Variants in VPS35L observed in about 807,000 individuals in gnomAD.
VPS35L encodes VPS35 endosomal protein-sorting factor-like.
A neutral mutation model predicts 133.0 loss-of-function variants in VPS35L; 83 were observed. The observed-to-expected ratio is 0.62, with a 90% CI of 0.52 to 0.75. VPS35L has a LOEUF of 0.75. VPS35L is among the 30% of genes least tolerant of loss of function. The pLI is 0.00. For missense variants in VPS35L, 1,083 were observed against 1,206.8 expected (o/e 0.90, Z 1.52); for synonymous variants, 423 against 449.9 (o/e 0.94, Z 0.76).
chr16:19,656,381 G>A (rs1364448587), intron 26 of VPS35L, among the ~76,000 whole-genome samples: 1 of 145,046 alleles, frequency 6.9e-6, no homozygotes, highest in East Asian at 1.9e-4. Context: ...AAGGGAAGAA[G>A]GAAGGATTAG....
At chr16:19,586,993 G>C (rs1971885381) in intron 7 of VPS35L, among the ~76,000 whole-genome samples, 1 of 152,142 alleles carries the variant, frequency 6.6e-6, no homozygotes, top group Admixed American at 6.6e-5. Context: ...AGTTCTGCAG[G>C]CTGTATAGGA....
chr16:19,574,204 G>A (rs1449405833), intron 4 of VPS35L, among the ~76,000 whole-genome samples: 1 of 152,200 alleles, frequency 6.6e-6, no homozygotes, highest in Non-Finnish European at 1.5e-5. Flanking sequence ...TCCAGGGCTG[G>A]TTTGGCAGCT....
intron 28 of VPS35L, among the ~76,000 whole-genome samples, chr16:19,689,079 G>T (rs954343678): frequency 7.1e-6 from 1 of 141,812 alleles, no homozygotes; most frequent in Non-Finnish European, 1.5e-5. Flanking sequence ...CCACTCTGTC[G>T]CCAGGCTGGA....
chr16:19,592,348 G>A (rs548635305), intron 8 of VPS35L, among the ~76,000 whole-genome samples: 55 of 151,738 alleles, frequency 3.6e-4, no homozygotes, highest in African/African-American at 1.3e-3. Context: ...CCAAAGTGCT[G>A]GAATTACAGG....
chr16:19,576,036 G>A (rs1242482265), intron 5 of VPS35L, among the ~76,000 whole-genome samples: 2 of 125,890 alleles, frequency 1.6e-5, no homozygotes, highest in African/African-American at 6.0e-5. Flanking sequence ...CATGGTGACA[G>A]ATGCCTGTAA....
intron 27 of VPS35L, among the ~76,000 whole-genome samples, chr16:19,676,811 C>T (rs757214367): frequency 3.3e-5 from 5 of 152,164 alleles, no homozygotes; most frequent in Non-Finnish European, 7.4e-5. Flanking sequence ...GGACAGACTT[C>T]ATGTTAAACA....
At chr16:19,592,035 G>A (rs12445994) in intron 8 of VPS35L, among the ~76,000 whole-genome samples, 161 bp downstream of exon 8, 7,734 of 151,944 alleles carry the variant, frequency 0.051, 410 homozygotes, top group East Asian at 0.22. Flanking sequence ...TAATAAGGGC[G>A]CTATTTTTGA....
intron 28 of VPS35L, among the ~76,000 whole-genome samples, chr16:19,689,255 G>C (rs1429988772): frequency 6.7e-6 from 1 of 148,840 alleles, no homozygotes; most frequent in East Asian, 2.0e-4. Context: ...GGGATTACAG[G>C]TGTGAGCCAC....
Position 19,565,419 on chromosome 16 carries a change from G to A in VPS35L, c.117+469G>A, listed in dbSNP as rs577144838. 4.0e-5 allele frequency among the ~76,000 whole-genome samples: 6 copies of A among 150,492 alleles called. No homozygotes were observed. In the South Asian group the frequency reaches 1.0e-3, roughly 26 times the overall value. ...GTGCAGTGGTGTGATCTTAGCTCAC[G>A]GCAACCTCTGCCTCCCAGGTTCAAG... On this transcript the variant is annotated intron_variant, in intron 2 of 30. Transcript: ENST00000417362.
At chr16:19,678,744 C>T (rs1975151746) in intron 27 of VPS35L, among the ~76,000 whole-genome samples, 1 of 151,858 alleles carries the variant, frequency 6.6e-6, no homozygotes, top group South Asian at 2.1e-4. Context: ...TCCCAAGGTG[C>T]TGAGATTACA....
At chr16:19,595,831 G>C (rs931358894) in intron 8 of VPS35L, among the ~76,000 whole-genome samples, 1 of 152,208 alleles carries the variant, frequency 6.6e-6, no homozygotes, top group Admixed American at 6.5e-5. Flanking sequence ...ACCTTGGACA[G>C]ACTGTTTAGG....
intron 26 of VPS35L, among the ~76,000 whole-genome samples, chr16:19,658,205 A>G (rs1974366169): frequency 1.3e-5 from 2 of 152,270 alleles, no homozygotes; most frequent in East Asian, 1.9e-4. Context: ...TGTGCCAAGC[A>G]TTGTATGGGC....
rs112180563 is a variant in VPS35L at position 19,558,069 on chromosome 16, C to CAA, written c.17+2333_17+2334dup. On this transcript the variant is annotated intron_variant, in intron 1 of 30. Coordinates refer to ENST00000417362, the MANE Select transcript of VPS35L (RefSeq NM_020314.7). ...TGAGCTACTAAGCGAGACTCCGTCTCAAAAAAAAAAAGTTAAAGGGACTGA... is the reference window on the plus strand; with the variant it reads ...TGAGCTACTAAGCGAGACTCCGTCTCAAAAAAAAAAAAAGTTAAAGGGACTGA... Among the ~76,000 whole-genome samples the CAA allele has an allele frequency of 4.8e-5, 7 of 144,354 alleles. No homozygotes were observed. The East Asian group carries it at 6.1e-4, about 13-fold the overall frequency. 94.7% of individuals were successfully genotyped at this position (144,354 alleles called of 152,430 possible).
In VPS35L at chr16:19,700,619, T is replaced by C; in HGVS notation, c.*143T>C. On this transcript the variant is annotated 3_prime_UTR_variant, in exon 31 of 31. Transcript: ENST00000417362. ...GTACAAATTGTTTTAAGCTTTGGCC[T>C]CTATCCAGGTTATTCTGACAATGAA... 1.5e-6 allele frequency: 1 copy of C among 669,178 alleles called. No individual in the cohort carries two copies. Among genetic ancestry groups the C allele is most frequent in the South Asian group, 2.0e-5 (1 of 49,536 alleles). The allele number at this position is 669,178 out of a possible 1,614,324, so 41.5% of individuals were successfully genotyped here.
chr16:19,589,820 G>C (rs867725528), intron 7 of VPS35L, among the ~76,000 whole-genome samples: 1 of 152,162 alleles, frequency 6.6e-6, no homozygotes, highest in Non-Finnish European at 1.5e-5. Context: ...GAAATCCTCT[G>C]TTTAAATTCT....
intron 11 of VPS35L, 60 bp from the exon 12 acceptor site, chr16:19,610,262 A>G: frequency 7.1e-7 from 1 of 1,409,810 alleles, no homozygotes; most frequent in Non-Finnish European, 9.9e-7. Context: ...TATTTAAAAA[A>G]TTAAAGAACA....
intron 29 of VPS35L, chr16:19,694,035 TACAATTA>T (rs993139428): frequency 1.3e-5 from 2 of 150,538 alleles, no homozygotes; most frequent in African/African-American, 4.9e-5. Flanking sequence ...GCAGAGTAAC[TACAATTA>T]ACAACAGTGT....
rs766477004 is a variant in VPS35L, at chr16:19,581,541, T to A, written c.527T>A (p.Leu176Gln). 12 of 1,605,392 alleles carry A rather than the reference T, an allele frequency of 7.5e-6. No individual in the cohort carries two copies. In the Admixed American group the frequency reaches 2.0e-4, roughly 27 times the overall value. ...DDFEEGSQKE[L>Q]LNLTQQDYVN... is the part of the protein sequence containing the mutation. ...TCCCCACAGGGTTCCCAAAAGGAGC[T>A]GTTGAACTTGACTCAGCAGGATTAC... is the stretch of plus-strand genomic sequence containing the variant. The change falls in exon 7 of 31, where the codon CTG becomes CAG. Residue 176 changes from leucine to glutamine, a missense_variant. Coordinates refer to ENST00000417362, the MANE Select transcript of VPS35L (RefSeq NM_020314.7).
rs954666175 is a variant in VPS35L at position 19,699,970 on chromosome 16, A to C, written c.2793+322A>C. Reference sequence around the variant, plus strand: ...AAATTAGCCGGCCATGGTGGTGCACATGTGTAGTCCCAGCTACTCGGGAGG... The same window carrying C: ...AAATTAGCCGGCCATGGTGGTGCACCTGTGTAGTCCCAGCTACTCGGGAGG... On this transcript the variant is annotated intron_variant, in intron 30 of 30. Transcript: ENST00000417362. The surrounding 1 kb of genome is among the most constrained non-coding windows in gnomAD (Gnocchi z 4.2). Among the ~76,000 whole-genome samples the C allele has an allele frequency of 6.6e-6, 1 of 152,094 alleles. No homozygotes were observed. The highest frequency in any genetic ancestry group is 2.1e-4 in the South Asian group (1 of 4,822).
Sources: allele counts gnomAD v4.1 joint callset (sites outside exome capture counted in the v4.1 genomes callset), GRCh38; gene constraint gnomAD v4.1.1; non-coding constraint Gnocchi (gnomAD v3.1); transcripts MANE v1.5; gene names NCBI Gene and HGNC (gene_info 2026-07-23, HGNC 2026-07-21).